FBXO4: variants seen among roughly 807,000 people sequenced by gnomAD.
The protein encoded by FBXO4 is F-box only protein 4.
Under a neutral mutation model 43.7 loss-of-function variants are expected in FBXO4, and 36 were observed. The ratio of observed to expected loss-of-function variants is 0.82; its 90% confidence interval spans 0.63 to 1.09. FBXO4 has a LOEUF of 1.09. Ranked by LOEUF, FBXO4 falls within the 50% of genes least tolerant of loss-of-function variation. The pLI, the probability that FBXO4 is intolerant of heterozygous loss-of-function variation, is 0.00. For missense variants in FBXO4, 435 were observed against 474.1 expected (o/e 0.92, Z 0.77); for synonymous variants, 180 against 165.6 (o/e 1.09, Z -0.67).
the FBXO4 span, among the ~76,000 whole-genome samples, chr5:41,998,499 T>G: frequency 1.3e-5 from 2 of 152,180 alleles, no homozygotes; most frequent in Non-Finnish European, 2.9e-5. Flanking sequence ...TAGCTCACAG[T>G]GGGCCATATT....
At chr5:41,958,261 A>C in the FBXO4 span, among the ~76,000 whole-genome samples, 1 of 151,426 alleles carries the variant, frequency 6.6e-6, no homozygotes, top group East Asian at 2.0e-4. Flanking sequence ...CAGCCTCCTG[A>C]GTAGCTGGGA....
Position 41,939,514 on chromosome 5 carries a change from A to C in FBXO4, c.972A>C (p.Pro324=), listed in dbSNP as rs772685831. ...CAGCCTTTGGGTCTTCGGGAAGACC[A>C]TTGTTGGTTTTATCTTGTATTTCTC... is the stretch of plus-strand genomic sequence containing the variant. The part of the protein sequence containing the change: ...TDPAFGSSGR[P]LLVLSCISQG... Residue 324 remains proline (P), a synonymous_variant, in exon 6 of 7, where the codon CCA becomes CCC. Transcript: ENST00000281623. 1 of 1,613,780 alleles carries C rather than the reference A, an allele frequency of 6.2e-7. No individual in the cohort carries two copies. Among genetic ancestry groups the C allele is most frequent in the South Asian group, 1.1e-5 (1 of 91,070 alleles).
chr5:42,021,536 G>A, the FBXO4 span, among the ~76,000 whole-genome samples: 5 of 152,064 alleles, frequency 3.3e-5, no homozygotes, highest in Admixed American at 2.6e-4. Flanking sequence ...ACAAGCTGGC[G>A]GCTGCCTCTA....
intron 5 of FBXO4, chr5:41,934,887 A>T: frequency 1.0e-6 from 1 of 985,824 alleles, no homozygotes; most frequent in East Asian, 1.1e-4. Context: ...AGCTAGTATT[A>T]TAATATCTTT....
the FBXO4 span, among the ~76,000 whole-genome samples, chr5:42,004,081 T>C: frequency 6.6e-6 from 1 of 152,176 alleles, no homozygotes; most frequent in Non-Finnish European, 1.5e-5. Context: ...TGTAGGGACA[T>C]GGATGAAGCT....
At chr5:41,967,692 A>G in the FBXO4 span, 1 of 641,310 alleles carries the variant, frequency 1.6e-6, no homozygotes, top group Non-Finnish European at 3.0e-6. Flanking sequence ...ACTGGTCCAG[A>G]TACATTCACC....
At chr5:42,021,918 A>T in the FBXO4 span, among the ~76,000 whole-genome samples, 1 of 152,180 alleles carries the variant, frequency 6.6e-6, no homozygotes, top group Non-Finnish European at 1.5e-5. Context: ...CACTTTTCTT[A>T]CATTGATCTA....
chr5:42,033,678 G>C, the FBXO4 span, among the ~76,000 whole-genome samples: 1 of 152,072 alleles, frequency 6.6e-6, no homozygotes, highest in Non-Finnish European at 1.5e-5. Flanking sequence ...ATGGCTTACA[G>C]CTTCATCCAT....
the FBXO4 span, among the ~76,000 whole-genome samples, chr5:42,015,005 G>T: frequency 1.3e-5 from 2 of 152,094 alleles, no homozygotes; most frequent in African/African-American, 4.8e-5. Context: ...TTGGCACAAG[G>T]TGAGTGTACC....
the FBXO4 span, among the ~76,000 whole-genome samples, chr5:41,994,480 G>T: frequency 6.6e-6 from 1 of 152,130 alleles, no homozygotes; most frequent in Non-Finnish European, 1.5e-5. Flanking sequence ...GCAGGTCGTG[G>T]TTTTTTTCCT....
chr5:41,971,444 T>C, the FBXO4 span, among the ~76,000 whole-genome samples: 1 of 152,174 alleles, frequency 6.6e-6, no homozygotes, highest in South Asian at 2.1e-4. Context: ...ACTGATTACT[T>C]TTTAATGGAG....
At chr5:41,999,433 A>T in the FBXO4 span, among the ~76,000 whole-genome samples, 1 of 137,342 alleles carries the variant, frequency 7.3e-6, no homozygotes, top group African/African-American at 2.8e-5. Flanking sequence ...TATATATATA[A>T]AATATATATG....
the FBXO4 span, among the ~76,000 whole-genome samples, chr5:42,001,366 G>T: frequency 6.6e-6 from 1 of 152,194 alleles, no homozygotes; most frequent in South Asian, 2.1e-4. Flanking sequence ...ATTAGCTGGG[G>T]ATACAGGCAC....
At chr5:42,040,148 C>G in the FBXO4 span, among the ~76,000 whole-genome samples, 1 of 152,040 alleles carries the variant, frequency 6.6e-6, no homozygotes, top group East Asian at 1.9e-4. Context: ...AACTAATACA[C>G]CTCCCTTTTG....
the FBXO4 span, among the ~76,000 whole-genome samples, chr5:42,030,986 A>G: frequency 2.0e-5 from 3 of 152,226 alleles, no homozygotes; most frequent in Non-Finnish European, 4.4e-5. Context: ...GTGGAGAAAT[A>G]GGAACACTTT....
At chr5:41,939,739 A>T (rs1751953547) in intron 6 of FBXO4, 123 bp downstream of exon 6, 2 of 726,846 alleles carry the variant, frequency 2.8e-6, no homozygotes, top group Non-Finnish European at 4.2e-6. Context: ...TAATAGCTTA[A>T]TCTATGGAAG....
In FBXO4 at chr5:41,933,962, C is replaced by T. The variant is rs749269494; in HGVS notation, c.663C>T (p.Val221=). 1 of 1,613,026 alleles carries T rather than the reference C, an allele frequency of 6.2e-7. No homozygotes were observed. Among genetic ancestry groups the T allele is most frequent in the South Asian group, 1.1e-5 (1 of 90,902 alleles). The change falls in exon 4 of 7, where the codon GTC becomes GTT. Residue 221 remains valine (V), a synonymous_variant. Transcript: ENST00000281623. The part of the protein sequence containing the change: ...QRQIDGIGSG[V]NFQLNNQHKF... ...CTTTCTTAGGTATTGGATCAGGAGT[C>T]AATTTTCAGTTGAACAACCAACATA...
At chr5:41,978,394 A>G in the FBXO4 span, among the ~76,000 whole-genome samples, 1 of 152,240 alleles carries the variant, frequency 6.6e-6, no homozygotes. Flanking sequence ...AGTACTAAAA[A>G]CACAATAACA....
intron 5 of FBXO4, chr5:41,934,991 A>G (rs879085827): frequency 1.0e-6 from 1 of 984,742 alleles, no homozygotes; most frequent in South Asian, 4.7e-5. Context: ...TTTCTATTCA[A>G]TTTATTTTCC....
Sources: allele counts gnomAD v4.1 joint callset (sites outside exome capture counted in the v4.1 genomes callset), GRCh38; gene constraint gnomAD v4.1.1; transcripts MANE v1.5; gene names NCBI Gene and HGNC (gene_info 2026-07-23, HGNC 2026-07-21).